PGM5: variants seen among roughly 807,000 people sequenced by gnomAD.
PGM5 encodes phosphoglucomutase-like protein 5.
In PGM5, 23 loss-of-function variants were observed where a neutral mutation model predicts 59.2. That is an observed-to-expected ratio of 0.39 (90% CI 0.28 to 0.55). PGM5 has a LOEUF of 0.55. PGM5 is among the 20% of genes least tolerant of loss of function. The probability of loss-of-function intolerance (pLI) is 0.66; values close to 1 mark genes in which losing one functional copy is unlikely to be tolerated. For synonymous variants in PGM5, 214 were observed against 286.0 expected (o/e 0.75, Z 2.54); for missense variants, 574 against 748.3 (o/e 0.77, Z 2.72).
At position 68,409,823 on chromosome 9, in the gene PGM5, T is replaced by C. The variant is rs200593968; in HGVS notation, c.1043+17350T>C. On this transcript the variant is annotated intron_variant, in intron 6 of 10. Coordinates refer to ENST00000396396, the MANE Select transcript of PGM5 (RefSeq NM_021965.4). ...CCCACCAGCATGGCACATGTATACA[T>C]ATGTAACTAACCTGCACAATGTGCA... 7.0e-4 allele frequency among the ~76,000 whole-genome samples: 101 copies of C among 145,218 alleles called. 1 individual carries two copies. The East Asian group carries it at 0.019, about 28-fold the overall frequency.
At chr9:68,375,781 T>C (rs528552971) in intron 1 of PGM5, among the ~76,000 whole-genome samples, 51 of 152,342 alleles carry the variant, frequency 3.3e-4, no homozygotes, top group Non-Finnish European at 7.1e-4. Flanking sequence ...AGTTAGGGAC[T>C]TCTGGCCATA....
At chr9:68,496,460 G>C (rs1331550390) in intron 9 of PGM5, among the ~76,000 whole-genome samples, 3 of 152,182 alleles carry the variant, frequency 2.0e-5, no homozygotes, top group East Asian at 1.9e-4. Context: ...ACCTGGAATG[G>C]TCTTGAAAAG....
At chr9:68,384,930 G>A (rs1428379307) in intron 3 of PGM5, among the ~76,000 whole-genome samples, 1 of 151,390 alleles carries the variant, frequency 6.6e-6, no homozygotes, top group Non-Finnish European at 1.5e-5. Context: ...TGAAAGGTAG[G>A]AGTTTCTTTT....
At chr9:68,434,204 C>T (rs970624870) in intron 6 of PGM5, among the ~76,000 whole-genome samples, 14 of 150,726 alleles carry the variant, frequency 9.3e-5, no homozygotes, top group African/African-American at 3.2e-4. Context: ...GTAACCCGAG[C>T]TACTTGGGAG....
intron 1 of PGM5, among the ~76,000 whole-genome samples, chr9:68,376,989 C>A (rs1462487901): frequency 8.6e-5 from 13 of 151,318 alleles, no homozygotes; most frequent in Admixed American, 5.3e-4. Context: ...TGCAGTGGCG[C>A]CATCTTAGCT....
intron 6 of PGM5, among the ~76,000 whole-genome samples, chr9:68,434,001 A>C (rs1823398261): frequency 6.6e-6 from 1 of 152,164 alleles, no homozygotes; most frequent in African/African-American, 2.4e-5. Flanking sequence ...CCTCAAAGAG[A>C]CAATTCGAGT....
chr9:68,511,545 C>CTTTTTTTTTTTT lies in PGM5; in HGVS notation c.1614+12198_1614+12209dup, dbSNP rs3064033. Reference sequence around the variant, plus strand: ...TTGTCACTAATGTTATTGTTTTTGCCTTTTTTTTTTTTTTTTTTTTTTTTT... The same window carrying CTTTTTTTTTTTT: ...TTGTCACTAATGTTATTGTTTTTGCCTTTTTTTTTTTTTTTTTTTTTTTTTTTTTTTTTTTTT... On this transcript the variant is annotated intron_variant, in intron 10 of 10. Coordinates refer to ENST00000396396, the MANE Select transcript of PGM5 (RefSeq NM_021965.4). Among the ~76,000 whole-genome samples, 5 of 62,736 alleles carry CTTTTTTTTTTTT rather than the reference C, an allele frequency of 8.0e-5. 2 individuals carry two copies. Among genetic ancestry groups the CTTTTTTTTTTTT allele is most frequent in the Admixed American group, 5.7e-4 (2 of 3,514 alleles). The allele number at this position is 62,736 out of a possible 152,430, so 41.2% of individuals were successfully genotyped here. A position where few individuals can be genotyped will look rare whatever the true frequency, so the allele number is the denominator to read the frequency against.
intron 9 of PGM5, among the ~76,000 whole-genome samples, chr9:68,488,995 G>A (rs1406583814): frequency 6.6e-6 from 1 of 152,158 alleles, no homozygotes; most frequent in African/African-American, 2.4e-5. Flanking sequence ...GTGGGTTGCA[G>A]GGTGAGCCAC....
In PGM5 at chr9:68,510,762, T is replaced by A. The variant is rs1339573424; in HGVS notation, c.1614+11401T>A. Among the ~76,000 whole-genome samples the A allele has an allele frequency of 2.0e-5, 3 of 152,260 alleles. No homozygotes were observed. The East Asian group carries it at 5.8e-4, about 29-fold the overall frequency. ...GTTGGGTTACACTTGGTTTTATACA[T>A]TTTAGGAAGATAAAAGTTACAGGCA... On this transcript the variant is annotated intron_variant, in intron 10 of 10. Transcript: ENST00000396396.
At chr9:68,389,312 A>G (rs1822307456) in intron 4 of PGM5, among the ~76,000 whole-genome samples, 1 of 152,132 alleles carries the variant, frequency 6.6e-6, no homozygotes, top group South Asian at 2.1e-4. Context: ...AGATTTGACC[A>G]ACATATACAG....
In PGM5 at chr9:68,472,522, C is replaced by A. The variant is rs928164472; in HGVS notation, c.1160-6896C>A. Reference sequence around the variant, plus strand: ...TCTCTGTGACTCAATTTCCTCATTGCGAGACAACTTCGTCTGAGGGGATGA... The same window carrying A: ...TCTCTGTGACTCAATTTCCTCATTGAGAGACAACTTCGTCTGAGGGGATGA... On this transcript the variant is annotated intron_variant, in intron 7 of 10. Transcript: ENST00000396396. 8.5e-5 allele frequency among the ~76,000 whole-genome samples: 13 copies of A among 152,144 alleles called. 1 individual carries two copies. Among genetic ancestry groups the A allele is most frequent in the Non-Finnish European group, 5.9e-5 (4 of 68,026 alleles).
At chr9:68,424,009 T>C (rs1823192396) in intron 6 of PGM5, among the ~76,000 whole-genome samples, 1 of 152,148 alleles carries the variant, frequency 6.6e-6, no homozygotes, top group African/African-American at 2.4e-5. Flanking sequence ...TAAGTAGACA[T>C]AGTCTGTGGC....
chr9:68,439,896 G>A (rs1177401528), intron 6 of PGM5, among the ~76,000 whole-genome samples: 1 of 151,940 alleles, frequency 6.6e-6, no homozygotes, highest in Admixed American at 6.6e-5. Flanking sequence ...AGAAACTCCT[G>A]GGCTCACCTC....
At chr9:68,357,735 A>C in intron 1 of PGM5, 1 of 326,062 alleles carries the variant, frequency 3.1e-6, no homozygotes, top group Non-Finnish European at 5.7e-6. Flanking sequence ...GGCCCTGTAG[A>C]TTCCAAGGCA....
intron 10 of PGM5, among the ~76,000 whole-genome samples, chr9:68,509,582 G>A (rs1456425537): frequency 2.6e-5 from 4 of 152,182 alleles, no homozygotes; most frequent in Non-Finnish European, 5.9e-5. Flanking sequence ...CAAGAGGAGG[G>A]GACCCAACAC....
rs773453141 is a variant in PGM5 at position 68,529,546 on chromosome 9, A to T, written c.1615-21A>T. The T allele has an allele frequency of 8.0e-5, 124 of 1,551,668 alleles. 1 individual carries two copies. Among genetic ancestry groups the T allele is most frequent in the Non-Finnish European group, 1.1e-4 (122 of 1,135,072 alleles). On this transcript the variant is annotated intron_variant, in intron 10 of 10. Transcript: ENST00000396396. ...TGTAACTGACTTGAGTTGTTCACAG[A>T]CTTTCCTTTTCCTTTTGCAGGCAGT... is the stretch of plus-strand genomic sequence containing the variant.
intron 3 of PGM5, among the ~76,000 whole-genome samples, chr9:68,386,029 CT>C (rs1377326199): frequency 6.6e-6 from 1 of 151,606 alleles, no homozygotes; most frequent in African/African-American, 2.4e-5. Flanking sequence ...ATGATGTGAA[CT>C]TTCAATTTTT....
intron 1 of PGM5, among the ~76,000 whole-genome samples, chr9:68,364,944 G>A (rs1296888767): frequency 4.6e-5 from 7 of 152,168 alleles, no homozygotes; most frequent in East Asian, 1.9e-4. Flanking sequence ...GCATAGTGAT[G>A]TTTATTGAAA....
intron 4 of PGM5, among the ~76,000 whole-genome samples, chr9:68,387,792 G>A (rs1213612752): frequency 3.3e-4 from 50 of 152,028 alleles, no homozygotes; most frequent in African/African-American, 1.0e-3. Context: ...GAACAAATGA[G>A]TTTGAGGCTA....
Sources: allele counts gnomAD v4.1 joint callset (sites outside exome capture counted in the v4.1 genomes callset), GRCh38; gene constraint gnomAD v4.1.1; transcripts MANE v1.5; gene names NCBI Gene and HGNC (gene_info 2026-07-23, HGNC 2026-07-21).